Variants in SCAF4 observed in about 807,000 individuals in gnomAD.
The protein encoded by SCAF4 is SR-related CTD associated factor 4.
In SCAF4, 25 loss-of-function variants were observed where a neutral mutation model predicts 129.8. The observed-to-expected ratio is 0.19, with a 90% CI of 0.14 to 0.27. SCAF4 has a LOEUF of 0.27. SCAF4 is among the 10% of genes least tolerant of loss of function. The pLI is 1.00. For synonymous variants in SCAF4, 551 were observed against 497.7 expected (o/e 1.11, Z -1.43); for missense variants, 1,246 against 1,457.1 (o/e 0.86, Z 2.36).
In SCAF4 at chr21:31,672,226, A is replaced by G; in HGVS notation, c.2617T>C (p.Phe873Leu). ...ATGGGACGGGGCGGCATCAAAGGGA[A>G]CCGCTGTAAGTGAGGTGGGGGCATT... The part of the protein sequence containing the change: ...PGMPPPHLQR[F>L]PLMPPRPMPP... Residue 873 changes from phenylalanine (F) to leucine (L), a missense_variant, in exon 20 of 20, where the codon TTC becomes CTC. Phe to Leu is a conservative substitution (Grantham distance 22). Around this residue, in one of 6 missense-constraint regions of SCAF4, gnomAD observed 468 missense variants for 605.5 expected, o/e 0.77. Coordinates refer to ENST00000286835, the MANE Select transcript of SCAF4 (RefSeq NM_020706.2). 6.2e-7 allele frequency: 1 copy of G among 1,611,204 alleles called. No homozygotes were observed. The highest frequency in any genetic ancestry group is 8.5e-7 in the Non-Finnish European group (1 of 1,178,626).
At chr21:31,727,825 C>T (rs2051245704) in intron 1 of SCAF4, among the ~76,000 whole-genome samples, 1 of 151,992 alleles carries the variant, frequency 6.6e-6, no homozygotes, top group African/African-American at 2.4e-5. Flanking sequence ...TTATTCTATT[C>T]CACAAACTTT....
chr21:31,721,154 T>C (rs2051057769), intron 1 of SCAF4, among the ~76,000 whole-genome samples: 1 of 152,336 alleles, frequency 6.6e-6, no homozygotes, highest in East Asian at 1.9e-4. Context: ...TTCCTCCTTT[T>C]GCTGTCTGCC....
intron 1 of SCAF4, among the ~76,000 whole-genome samples, chr21:31,723,040 C>T (rs1044647644): frequency 7.9e-5 from 12 of 152,144 alleles, no homozygotes; most frequent in African/African-American, 1.9e-4. Context: ...GCTTATAAAT[C>T]GCTGCCAAAC....
At chr21:31,695,265 T>C (rs1297182812) in intron 9 of SCAF4, among the ~76,000 whole-genome samples, 1 of 152,146 alleles carries the variant, frequency 6.6e-6, no homozygotes, top group East Asian at 1.9e-4. Flanking sequence ...AGCAATGTGA[T>C]AAACTGAACT....
chr21:31,694,265 T>G lies in SCAF4; in HGVS notation c.1261A>C (p.Ile421Leu). 1 of 1,606,566 alleles carries G rather than the reference T, an allele frequency of 6.2e-7. No homozygotes were observed. The highest frequency in any genetic ancestry group is 8.5e-7 in the Non-Finnish European group (1 of 1,174,520). ...GACATATGTCGCTTAACCTCTTGAA[T>G]ACAAGGTTGTTCTACTTCCATTTCC... Reference protein sequence around the residue: ...QQEMEVEQPCIQEVKRHMSDN... With the variant: ...QQEMEVEQPCLQEVKRHMSDN... The change falls in exon 11 of 20, where the codon ATT becomes CTT. Residue 421 changes from isoleucine (I) to leucine (L), a missense_variant. Physicochemically the swap from Ile to Leu is conservative, Grantham distance 5 (BLOSUM62 2). Coordinates refer to ENST00000286835, the MANE Select transcript of SCAF4 (RefSeq NM_020706.2).
chr21:31,696,003 A>T (rs1483464873), intron 9 of SCAF4, 110 bp downstream of exon 9: 1 of 623,086 alleles, frequency 1.6e-6, no homozygotes, highest in Non-Finnish European at 2.7e-6. Flanking sequence ...TTTATCAGAG[A>T]TATAGTACGA....
rs775931638 is a variant in SCAF4, at chr21:31,731,655, C to A, written c.30+8G>T. 1.3e-6 allele frequency: 2 copies of A among 1,587,954 alleles called. No homozygotes were observed. The highest frequency in any genetic ancestry group is 1.1e-5 in the South Asian group (1 of 89,132). ...GCCCGGCACCCCCCTGCCCCAAACACCCCTTACCTCCTGGTTGAAGGCGTT... is the reference window on the plus strand; with the variant it reads ...GCCCGGCACCCCCCTGCCCCAAACAACCCTTACCTCCTGGTTGAAGGCGTT... On this transcript the variant is annotated splice_region_variant and intron_variant, in intron 1 of 19. Coordinates refer to ENST00000286835, the MANE Select transcript of SCAF4 (RefSeq NM_020706.2).
chr21:31,718,285 C>CTTTAATTA (rs761517520), intron 1 of SCAF4, among the ~76,000 whole-genome samples: 26 of 151,714 alleles, frequency 1.7e-4, no homozygotes, highest in Non-Finnish European at 3.5e-4. Flanking sequence ...GAAAGTGTCC[C>CTTTAATTA]TTTAATTATT....
intron 19 of SCAF4, among the ~76,000 whole-genome samples, chr21:31,674,101 T>C (rs556155156): frequency 4.6e-5 from 7 of 152,290 alleles, no homozygotes; most frequent in East Asian, 1.9e-4. Context: ...TGATGCCCCA[T>C]TGACTTGGCT....
chr21:31,682,266 C>T (rs977214515), intron 19 of SCAF4, among the ~76,000 whole-genome samples: 15 of 152,046 alleles, frequency 9.9e-5, no homozygotes, highest in Non-Finnish European at 5.9e-5. Flanking sequence ...GTAGTCCCAG[C>T]TACTTGGAAG....
intron 15 of SCAF4, among the ~76,000 whole-genome samples, chr21:31,689,849 C>T (rs1847451179): frequency 6.6e-6 from 1 of 150,860 alleles, no homozygotes; most frequent in South Asian, 2.1e-4. Context: ...GCAGGAGAAT[C>T]ACTGGAACCC....
intron 15 of SCAF4, among the ~76,000 whole-genome samples, chr21:31,689,682 C>T (rs974349007): frequency 1.3e-5 from 2 of 151,072 alleles, no homozygotes; most frequent in Non-Finnish European, 3.0e-5. Context: ...GTAATCCCAG[C>T]ACTTTGGGAG....
intron 4 of SCAF4, 81 bp downstream of exon 4, chr21:31,703,684 T>C (rs771077580): frequency 1.6e-5 from 12 of 756,902 alleles, no homozygotes; most frequent in South Asian, 2.8e-5. Context: ...TCTGGTAATA[T>C]AGTAGGCTCC....
intron 19 of SCAF4, among the ~76,000 whole-genome samples, chr21:31,674,358 T>C (rs1402879744): frequency 6.6e-6 from 1 of 152,222 alleles, no homozygotes; most frequent in Non-Finnish European, 1.5e-5. Flanking sequence ...TGGATATTTG[T>C]GTGTGGGATT....
intron 19 of SCAF4, among the ~76,000 whole-genome samples, chr21:31,678,086 T>C (rs2123473829): frequency 6.6e-6 from 1 of 152,316 alleles, no homozygotes; most frequent in South Asian, 2.1e-4. Context: ...CACAGGCTCC[T>C]GCGGCTTTAA....
chr21:31,702,655 G>A (rs1037198335), intron 4 of SCAF4, among the ~76,000 whole-genome samples: 9 of 151,920 alleles, frequency 5.9e-5, no homozygotes, highest in African/African-American at 2.2e-4. Context: ...TTTACTTATG[G>A]TTACAAATAA....
chr21:31,671,478 G>C lies in SCAF4; in HGVS notation c.3365C>G (p.Ser1122Cys). Reference protein sequence around the residue: ...GVSEAAVLKPSEELPAEATSS... With the variant: ...GVSEAAVLKPCEELPAEATSS... Reference sequence around the variant, plus strand: ...GGTAGCCTCAGCAGGTAACTCTTCAGAAGGCTTTAGGACTGCAGCCTCAGA... The same window carrying C: ...GGTAGCCTCAGCAGGTAACTCTTCACAAGGCTTTAGGACTGCAGCCTCAGA... The change falls in exon 20 of 20, where the codon TCT (serine) becomes TGT (cysteine). Residue 1122 changes from serine to cysteine, a missense_variant. Around this residue, in one of 6 missense-constraint regions of SCAF4, gnomAD observed 339 missense variants for 325.0 expected, o/e 1.04. Coordinates refer to ENST00000286835, the MANE Select transcript of SCAF4 (RefSeq NM_020706.2). The C allele has an allele frequency of 6.2e-7, 1 of 1,614,182 alleles. No individual in the cohort carries two copies. The highest frequency in any genetic ancestry group is 8.5e-7 in the Non-Finnish European group (1 of 1,180,020).
rs2049999958 is a variant in SCAF4, at chr21:31,681,762, T to TA, written c.2488+3286dup. On this transcript the variant is annotated intron_variant, in intron 19 of 19. Transcript: ENST00000286835. Reference sequence around the variant, plus strand: ...GTTTTATTCCCTCCAAATTCAGTAGTACAACTCAACTAATTACTCCCAAAC... The same window carrying TA: ...GTTTTATTCCCTCCAAATTCAGTAGTAACAACTCAACTAATTACTCCCAAAC... Among the ~76,000 whole-genome samples, 3 of 152,218 alleles carry TA rather than the reference T, an allele frequency of 2.0e-5. No homozygotes were observed. The South Asian group carries it at 6.2e-4, about 31-fold the overall frequency.
chr21:31,688,540 T>TG, intron 15 of SCAF4, 76 bp from the exon 16 acceptor site: 1 of 1,285,826 alleles, frequency 7.8e-7, no homozygotes, highest in Admixed American at 2.0e-5. Flanking sequence ...TGAAAAATGT[T>TG]GATTATAAAA....
Sources: gnomAD v4.1 joint callset for allele counts (sites outside exome capture counted in the v4.1 genomes callset) on GRCh38, gnomAD v4.1.1 for gene constraint, gnomAD v4.1.1 regional missense constraint, MANE v1.5 for transcripts, NCBI Gene and HGNC (gene_info 2026-07-23, HGNC 2026-07-21) for gene names.